OTUD7A: variants seen among roughly 807,000 people sequenced by gnomAD.
OTUD7A encodes the protein OTU domain-containing protein 7A.
A neutral mutation model predicts 65.7 loss-of-function variants in OTUD7A; 12 were observed. That is an observed-to-expected ratio of 0.18 (90% CI 0.12 to 0.30). OTUD7A has a LOEUF of 0.30. OTUD7A is among the 10% of genes least tolerant of loss of function. The pLI is 1.00. For synonymous variants in OTUD7A, 641 were observed against 586.3 expected (o/e 1.09, Z -1.35); for missense variants, 1,148 against 1,304.8 (o/e 0.88, Z 1.85).
At chr15:31,559,305 A>G in intron 4 of OTUD7A, 118 bp from the exon 5 acceptor site, 1 of 909,784 alleles carries the variant, frequency 1.1e-6, no homozygotes, top group Non-Finnish European at 1.7e-6. Flanking sequence ...ACATTCATGC[A>G]CACAGACCAC....
intron 1 of OTUD7A, among the ~76,000 whole-genome samples, chr15:31,826,379 C>A (rs1402000411): frequency 1.3e-5 from 2 of 152,270 alleles, no homozygotes; most frequent in Non-Finnish European, 2.9e-5. Context: ...GAAGCCACAG[C>A]AGAGCTCTGC....
In OTUD7A at chr15:31,501,614, GT is replaced by G. The variant is rs1369731192; in HGVS notation, c.1171+75del. 5.1e-6 allele frequency: 8 copies of G among 1,579,870 alleles called. No homozygotes were observed. In the Admixed American group the frequency reaches 1.3e-4, roughly 27 times the overall value. On this transcript the variant is annotated intron_variant, in intron 10 of 12. Transcript: ENST00000307050. ...GGGGGTCTCCACAATCCACCTCCCC[GT>G]GCAATGGGGTCCCTTCTGATGGCTC...
Position 31,537,494 on chromosome 15 carries a change from A to G in OTUD7A, c.551-6686T>C, listed in dbSNP as rs572147240. Among the ~76,000 whole-genome samples the G allele has an allele frequency of 8.5e-5, 13 of 152,358 alleles. No homozygotes were observed. The South Asian group carries it at 2.5e-3, about 29-fold the overall frequency. ...TAAAGCTAAATGAGAAATGCAAGTA[A>G]GGGCTTTAACTGACACTACCACTGG... On this transcript the variant is annotated intron_variant, in intron 5 of 12. Transcript: ENST00000307050.
chr15:31,756,343 G>A (rs1595748694), intron 1 of OTUD7A, among the ~76,000 whole-genome samples: 1 of 152,176 alleles, frequency 6.6e-6, no homozygotes, highest in East Asian at 1.9e-4. Context: ...CAATAATTGT[G>A]AGAATAATGT....
chr15:31,709,623 G>A (rs1382552504), intron 1 of OTUD7A, among the ~76,000 whole-genome samples: 1 of 152,076 alleles, frequency 6.6e-6, no homozygotes, highest in African/African-American at 2.4e-5. Context: ...GACACTGATG[G>A]AAAGGCTGAG....
chr15:31,595,216 C>T (rs528837564), intron 3 of OTUD7A, among the ~76,000 whole-genome samples: 1 of 152,230 alleles, frequency 6.6e-6, no homozygotes, highest in South Asian at 2.1e-4. Flanking sequence ...CAGCATGGGG[C>T]CATGGTAAGG....
chr15:31,836,257 G>C (rs1412969629), intron 1 of OTUD7A, among the ~76,000 whole-genome samples: 1 of 152,134 alleles, frequency 6.6e-6, no homozygotes, highest in Non-Finnish European at 1.5e-5. Flanking sequence ...CTCTAATGCA[G>C]AATTGTGGTG....
intron 1 of OTUD7A, among the ~76,000 whole-genome samples, chr15:31,678,226 A>C (rs1250440255): frequency 6.6e-6 from 1 of 152,210 alleles, no homozygotes; most frequent in South Asian, 2.1e-4. Flanking sequence ...ATTCACAAAG[A>C]TATGGTTTGG....
rs182426844 is a variant in OTUD7A, at chr15:31,571,798, G to A, written c.152-1601C>T. ...AAATACACGGACTTATCTATACTCC[G>A]TGAGTTTCTCATTCAACTGTTACTA... On this transcript the variant is annotated intron_variant, in intron 3 of 12. Transcript: ENST00000307050. Among the ~76,000 whole-genome samples the A allele has an allele frequency of 3.0e-4, 46 of 152,232 alleles. 1 individual carries two copies. In the East Asian group the frequency reaches 8.9e-3, roughly 29 times the overall value.
rs2041154454 is a variant in OTUD7A, at chr15:31,483,032, A to G, written c.*262T>C. 1 of 172,184 alleles carries G rather than the reference A, an allele frequency of 5.8e-6. No homozygotes were observed. Among genetic ancestry groups the G allele is most frequent in the African/African-American group, 2.4e-5 (1 of 41,756 alleles). 10.7% of individuals were successfully genotyped at this position (172,184 alleles called of 1,614,324 possible). On this transcript the variant is annotated 3_prime_UTR_variant, in exon 13 of 13. Coordinates refer to ENST00000307050, the MANE Select transcript of OTUD7A (RefSeq NM_001382637.1). ...GAACAAAAATACTCTTGCAATGGCT[A>G]TTGAGTTTCCACAGGTACGAGGCAG...
intron 1 of OTUD7A, among the ~76,000 whole-genome samples, chr15:31,659,622 G>C (rs1472801532): frequency 6.9e-6 from 1 of 145,720 alleles, no homozygotes; most frequent in Non-Finnish European, 1.5e-5. Flanking sequence ...CTTTGCCCCT[G>C]GCTCTGCAGG....
intron 6 of OTUD7A, 98 bp downstream of exon 6, chr15:31,530,609 G>T: frequency 8.9e-7 from 1 of 1,122,912 alleles, no homozygotes; most frequent in Non-Finnish European, 1.3e-6. Context: ...TCTATTTAGT[G>T]TATGCTTTTC....
chr15:31,847,669 G>A (rs137858999), intron 1 of OTUD7A, among the ~76,000 whole-genome samples: 45 of 152,250 alleles, frequency 3.0e-4, no homozygotes, highest in African/African-American at 1.0e-3. Flanking sequence ...GATTCACAAA[G>A]CCATGCGGAC....
chr15:31,855,892 C>A (rs2141010060), intron 1 of OTUD7A, among the ~76,000 whole-genome samples: 1 of 152,276 alleles, frequency 6.6e-6, no homozygotes, highest in African/African-American at 2.4e-5. Flanking sequence ...ATAGTTGCTC[C>A]CCAAATCCAT....
intron 3 of OTUD7A, chr15:31,649,720 G>A (rs1284671899): frequency 2.3e-6 from 1 of 430,404 alleles, no homozygotes; most frequent in East Asian, 7.3e-5. Context: ...GGTGAGGTGA[G>A]TGAGCACTCA....
intron 1 of OTUD7A, among the ~76,000 whole-genome samples, chr15:31,850,518 C>T (rs1203236263): frequency 6.6e-6 from 1 of 151,772 alleles, no homozygotes; most frequent in Non-Finnish European, 1.5e-5. Context: ...ATGTAACAAA[C>T]CTGCACGTTG....
intron 1 of OTUD7A, among the ~76,000 whole-genome samples, chr15:31,867,732 A>T (rs1897915078): frequency 6.6e-6 from 1 of 152,170 alleles, no homozygotes; most frequent in South Asian, 2.1e-4. Flanking sequence ...GAAGGCACTC[A>T]ATCCTGAGAC....
At chr15:31,704,365 C>T (rs1893279371) in intron 1 of OTUD7A, among the ~76,000 whole-genome samples, 1 of 107,950 alleles carries the variant, frequency 9.3e-6, no homozygotes, top group African/African-American at 3.0e-5. Flanking sequence ...CTGCCTGTAT[C>T]AGGGCACTAC....
intron 8 of OTUD7A, among the ~76,000 whole-genome samples, chr15:31,510,571 T>G (rs1403073513): frequency 1.9e-5 from 2 of 106,936 alleles, no homozygotes; most frequent in African/African-American, 3.4e-5. Flanking sequence ...CATATGTATA[T>G]CTATATGTAA....
Sources: gnomAD v4.1 joint callset for allele counts (sites outside exome capture counted in the v4.1 genomes callset) on GRCh38, gnomAD v4.1.1 for gene constraint, MANE v1.5 for transcripts, NCBI Gene and HGNC (gene_info 2026-07-23, HGNC 2026-07-21) for gene names.